Variants in UCK2 observed in about 807,000 individuals in gnomAD.
The protein encoded by UCK2 is uridine-cytidine kinase 2.
A neutral mutation model predicts 30.8 loss-of-function variants in UCK2; 6 were observed. The ratio of observed to expected loss-of-function variants is 0.19; its 90% CI spans 0.11 to 0.38. The LOEUF (loss-of-function observed/expected upper bound fraction) is 0.38. Ranked by LOEUF, UCK2 falls within the 10% of genes least tolerant of loss-of-function variation. The probability of loss-of-function intolerance (pLI) is 1.00; values close to 1 mark genes in which losing one functional copy is unlikely to be tolerated. For missense variants in UCK2, 210 were observed against 339.8 expected (o/e 0.62, Z 3.00); for synonymous variants, 125 against 133.6 (o/e 0.94, Z 0.45).
chr1:165,839,102 T>C (rs569031191), intron 1 of UCK2, among the ~76,000 whole-genome samples: 5 of 152,256 alleles, frequency 3.3e-5, no homozygotes, highest in African/African-American at 1.2e-4. Flanking sequence ...CTTTTAACTT[T>C]AAATTCGTAT....
At chr1:165,906,171 G>A (rs1647653889) in intron 6 of UCK2, among the ~76,000 whole-genome samples, 1 of 152,136 alleles carries the variant, frequency 6.6e-6, no homozygotes, top group African/African-American at 2.4e-5. Context: ...GTGTTACGGG[G>A]ACAGACATGC....
intron 1 of UCK2, among the ~76,000 whole-genome samples, chr1:165,830,172 A>C (rs571770418): frequency 7.0e-6 from 1 of 143,854 alleles, no homozygotes; most frequent in Admixed American, 6.9e-5. Context: ...TGCCCGACTA[A>C]TTTTTTTTTT....
rs1248550112 is a variant in UCK2, at chr1:165,907,979, T to C, written c.*156T>C. 1 of 1,119,852 alleles carries C rather than the reference T, an allele frequency of 8.9e-7. No individual in the cohort carries two copies. The highest frequency in any genetic ancestry group is 2.7e-5 in the East Asian group (1 of 36,704). The allele number at this position is 1,119,852 out of a possible 1,614,324, so 69.4% of individuals were successfully genotyped here. A position where few individuals can be genotyped will look rare whatever the true frequency, so the allele number is the denominator to read the frequency against. On this transcript the variant is annotated 3_prime_UTR_variant, in exon 7 of 7. Transcript: ENST00000367879. ...TTGATTTTTTTTTTCTTTTTGTACT[T>C]TGGAACGACAAAATGAAACAGAACT...
At chr1:165,907,259 AAG>A in intron 6 of UCK2, among the ~76,000 whole-genome samples, 1 of 152,346 alleles carries the variant, frequency 6.6e-6, no homozygotes, top group South Asian at 2.1e-4. Context: ...TTTGGAGGGA[AAG>A]AGGGCCTTCC....
chr1:165,851,295 G>A (rs927217661), intron 1 of UCK2, among the ~76,000 whole-genome samples: 1 of 152,124 alleles, frequency 6.6e-6, no homozygotes. Context: ...TCCTGGCTTC[G>A]CCCACAAGCA....
chr1:165,874,230 C>T (rs1174450039), intron 1 of UCK2, among the ~76,000 whole-genome samples: 2 of 152,116 alleles, frequency 1.3e-5, no homozygotes, highest in African/African-American at 4.8e-5. Context: ...TTTCCTGGGC[C>T]ACCCAGCCTG....
intron 6 of UCK2, 126 bp from the exon 7 acceptor site, chr1:165,907,558 G>T (rs1346197803): frequency 7.4e-7 from 1 of 1,347,224 alleles, no homozygotes; most frequent in Non-Finnish European, 1.0e-6. Context: ...CCTGCAAGTG[G>T]CAGAGCCACT....
chr1:165,844,203 C>A (rs1397775897), intron 1 of UCK2, among the ~76,000 whole-genome samples: 1 of 152,234 alleles, frequency 6.6e-6, no homozygotes, highest in African/African-American at 2.4e-5. Flanking sequence ...TATTGAGTCT[C>A]AGTGCAAGCC....
rs1647714838 is a variant in UCK2, at chr1:165,907,726, A to G, written c.689A>G (p.Asn230Ser). The change falls in exon 7 of 7, where the codon AAT (asparagine) becomes AGT (serine). Residue 230 changes from asparagine to serine, a missense_variant. Asn to Ser is a conservative substitution (Grantham distance 46). Transcript: ENST00000367879. ...LIVQHIQDIL[N>S]GGPSKRQTNG... is the part of the protein sequence containing the mutation. ...GTGCAGCACATCCAGGACATCCTGA[A>G]TGGAGGGCCCTCCAAACGGCAGACC... 1 of 1,614,034 alleles carries G rather than the reference A, an allele frequency of 6.2e-7. No homozygotes were observed. The highest frequency in any genetic ancestry group is 1.3e-5 in the African/African-American group (1 of 74,906).
chr1:165,905,287 A>G (rs1647612375), intron 5 of UCK2, among the ~76,000 whole-genome samples: 1 of 152,224 alleles, frequency 6.6e-6, no homozygotes, highest in South Asian at 2.1e-4. Context: ...GTTTGAGACC[A>G]GCCTGGGCAA....
chr1:165,831,077 C>T (rs934349941), intron 1 of UCK2, among the ~76,000 whole-genome samples: 4 of 152,004 alleles, frequency 2.6e-5, no homozygotes, highest in Admixed American at 6.6e-5. Flanking sequence ...CACTACACTC[C>T]AGCCTGGGTG....
intron 1 of UCK2, among the ~76,000 whole-genome samples, chr1:165,864,460 A>G (rs1654996450): frequency 6.6e-6 from 1 of 152,150 alleles, no homozygotes; most frequent in African/African-American, 2.4e-5. Context: ...ATTTCACCTC[A>G]TTATGCTTCA....
chr1:165,862,676 A>G (rs1443995195), intron 1 of UCK2, among the ~76,000 whole-genome samples: 4 of 152,170 alleles, frequency 2.6e-5, no homozygotes, highest in African/African-American at 9.7e-5. Flanking sequence ...CTGACTTTAG[A>G]GCCAGCCAAG....
intron 1 of UCK2, among the ~76,000 whole-genome samples, chr1:165,837,297 C>T (rs1654219658): frequency 6.6e-6 from 1 of 152,232 alleles, no homozygotes; most frequent in South Asian, 2.1e-4. Flanking sequence ...TACATTTTGA[C>T]AGTTCTGTAA....
At chr1:165,882,970 G>A (rs772293655) in intron 1 of UCK2, among the ~76,000 whole-genome samples, 26 of 151,996 alleles carry the variant, frequency 1.7e-4, no homozygotes, top group Non-Finnish European at 2.2e-4. Context: ...GACTACAGGC[G>A]CGTGCCACCA....
chr1:165,847,041 T>A (rs1435459906), intron 1 of UCK2, among the ~76,000 whole-genome samples: 3 of 152,108 alleles, frequency 2.0e-5, no homozygotes, highest in Non-Finnish European at 2.9e-5. Flanking sequence ...GGCCAGTTAA[T>A]GAGGCTGCTG....
chr1:165,865,490 C>T (rs1279676063), intron 1 of UCK2, among the ~76,000 whole-genome samples: 1 of 152,124 alleles, frequency 6.6e-6, no homozygotes, highest in Non-Finnish European at 1.5e-5. Flanking sequence ...TTTGACATTG[C>T]TTTTTTCCCC....
In UCK2 at chr1:165,910,875, G is replaced by C. The variant is rs1275646452; in HGVS notation, c.*3052G>C. 1 of 152,248 alleles carries C rather than the reference G, an allele frequency of 6.6e-6. No homozygotes were observed. The highest frequency in any genetic ancestry group is 2.4e-5 in the African/African-American group (1 of 41,430). The allele number at this position is 152,248 out of a possible 1,614,324, so 9.4% of individuals were successfully genotyped here. Reference sequence around the variant, plus strand: ...CACTTGGGCTTGGAGCTGGATACTTGTGGCCACGCCCAGGATAGGTTGCCA... The same window carrying C: ...CACTTGGGCTTGGAGCTGGATACTTCTGGCCACGCCCAGGATAGGTTGCCA... On this transcript the variant is annotated 3_prime_UTR_variant, in exon 7 of 7. Coordinates refer to ENST00000367879, the MANE Select transcript of UCK2 (RefSeq NM_012474.5).
chr1:165,885,492 C>T (rs1655594629), intron 1 of UCK2: 3 of 394,230 alleles, frequency 7.6e-6, no homozygotes, highest in Non-Finnish European at 9.0e-6. Flanking sequence ...TGGACAACAC[C>T]CAACAGTCCT....
Sources: gnomAD v4.1 joint callset for allele counts (sites outside exome capture counted in the v4.1 genomes callset) on GRCh38, gnomAD v4.1.1 for gene constraint, MANE v1.5 for transcripts, NCBI Gene and HGNC (gene_info 2026-07-23, HGNC 2026-07-21) for gene names.